Variants in LINGO2 observed in about 807,000 individuals in gnomAD.
LINGO2 encodes the protein leucine rich repeat and Ig domain containing 2.
A neutral mutation model predicts 30.6 loss-of-function variants in LINGO2; 14 were observed. The observed-to-expected ratio is 0.46, with a 90% CI of 0.30 to 0.72. The LOEUF (loss-of-function observed/expected upper bound fraction) is 0.72. Ranked by LOEUF, LINGO2 falls within the 30% of genes least tolerant of loss-of-function variation. The probability of loss-of-function intolerance (pLI) is 0.07; values close to 1 mark genes in which losing one functional copy is unlikely to be tolerated. For synonymous variants in LINGO2, 317 were observed against 288.5 expected (o/e 1.10, Z -1.00); for missense variants, 729 against 751.7 (o/e 0.97, Z 0.35).
chr9:28,029,254 T>C (rs1045924292), intron 4 of LINGO2, among the ~76,000 whole-genome samples: 3 of 152,190 alleles, frequency 2.0e-5, no homozygotes, highest in Non-Finnish European at 4.4e-5. Context: ...GAGGCTAGTA[T>C]AAAATGCGAG....
intron 1 of LINGO2, among the ~76,000 whole-genome samples, chr9:28,527,345 G>A (rs565461264): frequency 1.3e-5 from 2 of 152,258 alleles, no homozygotes; most frequent in South Asian, 4.1e-4. Flanking sequence ...CTGTAAAAAC[G>A]TATTCATTAT....
intron 4 of LINGO2, among the ~76,000 whole-genome samples, chr9:28,083,106 G>A (rs1384580604): frequency 1.3e-5 from 2 of 152,154 alleles, no homozygotes; most frequent in African/African-American, 2.4e-5. Flanking sequence ...ACCTCTAAGA[G>A]TAGAATTATA....
chr9:28,201,688 C>T (rs1229532008), intron 4 of LINGO2, among the ~76,000 whole-genome samples: 1 of 151,926 alleles, frequency 6.6e-6, no homozygotes, highest in Non-Finnish European at 1.5e-5. Flanking sequence ...AGTTTACAGT[C>T]CCACCAACAG....
chr9:28,895,025 A>G, the LINGO2 span, among the ~76,000 whole-genome samples: 1 of 152,112 alleles, frequency 6.6e-6, no homozygotes, highest in Non-Finnish European at 1.5e-5. Flanking sequence ...CTATATGTGC[A>G]TGACTGTCTT....
At chr9:28,599,471 T>C (rs1023317240) in intron 1 of LINGO2, among the ~76,000 whole-genome samples, 5 of 152,174 alleles carry the variant, frequency 3.3e-5, no homozygotes, top group Non-Finnish European at 7.4e-5. Flanking sequence ...GCTTGTTAAA[T>C]AGATGTTTGA....
chr9:28,712,953 C>T, the LINGO2 span, among the ~76,000 whole-genome samples: 1 of 152,030 alleles, frequency 6.6e-6, no homozygotes, highest in East Asian at 1.9e-4. Context: ...GCAAACTCCG[C>T]CTCCCAGATT....
intron 2 of LINGO2, among the ~76,000 whole-genome samples, chr9:28,405,937 T>C (rs1184975797): frequency 2.0e-5 from 3 of 152,192 alleles, no homozygotes; most frequent in African/African-American, 7.2e-5. Context: ...ATTTATTAAA[T>C]GGCTGGCTAT....
At chr9:28,666,076 G>T (rs547694837) in intron 1 of LINGO2, among the ~76,000 whole-genome samples, 1 of 152,020 alleles carries the variant, frequency 6.6e-6, no homozygotes, top group South Asian at 2.1e-4. Flanking sequence ...ATTTTTAGTA[G>T]AGACGGGGTT....
At chr9:29,191,271 A>G in the LINGO2 span, among the ~76,000 whole-genome samples, 1 of 152,304 alleles carries the variant, frequency 6.6e-6, no homozygotes, top group Non-Finnish European at 1.5e-5. Context: ...CATTATTGCT[A>G]TGACTTTGGT....
chr9:28,290,853 A>G (rs1823701462), intron 4 of LINGO2, among the ~76,000 whole-genome samples: 1 of 152,150 alleles, frequency 6.6e-6, no homozygotes, highest in South Asian at 2.1e-4. Context: ...GTCAATTTCT[A>G]TGTGTATCTT....
At chr9:28,545,276 A>G (rs1233623650) in intron 1 of LINGO2, among the ~76,000 whole-genome samples, 1 of 152,084 alleles carries the variant, frequency 6.6e-6, no homozygotes, top group Non-Finnish European at 1.5e-5. Context: ...TGATAAACCC[A>G]AAGACTTTAG....
At chr9:28,992,353 C>G in the LINGO2 span, among the ~76,000 whole-genome samples, 2 of 152,112 alleles carry the variant, frequency 1.3e-5, no homozygotes, top group Admixed American at 6.5e-5. Context: ...CGGGAGCACC[C>G]AAATTCATAA....
At chr9:29,132,219 G>T in the LINGO2 span, among the ~76,000 whole-genome samples, 32 of 152,066 alleles carry the variant, frequency 2.1e-4, no homozygotes, top group Non-Finnish European at 3.4e-4. Flanking sequence ...TCGAGGGGGG[G>T]AAATGAGGCA....
At chr9:28,327,953 G>A (rs1321925677) in intron 3 of LINGO2, among the ~76,000 whole-genome samples, 1 of 152,150 alleles carries the variant, frequency 6.6e-6, no homozygotes, top group East Asian at 1.9e-4. Context: ...GAGTGGAAGA[G>A]TTATGTGAAA....
the LINGO2 span, among the ~76,000 whole-genome samples, chr9:29,194,065 C>T: frequency 6.6e-6 from 1 of 152,184 alleles, no homozygotes; most frequent in African/African-American, 2.4e-5. Flanking sequence ...CACTCTTCCC[C>T]TCTCTGAGCT....
chr9:28,800,938 G>A, the LINGO2 span, among the ~76,000 whole-genome samples: 5 of 152,104 alleles, frequency 3.3e-5, no homozygotes, highest in Admixed American at 3.3e-4. Context: ...ACACGTAAAA[G>A]CAGATGGACA....
At chr9:28,458,962 A>G (rs1824963735) in intron 2 of LINGO2, among the ~76,000 whole-genome samples, 1 of 115,882 alleles carries the variant, frequency 8.6e-6, no homozygotes, top group South Asian at 3.5e-4. Context: ...AAAGGTATAT[A>G]GAGCCCAAAT....
At chr9:28,520,373 A>G (rs748825130) in intron 1 of LINGO2, among the ~76,000 whole-genome samples, 1 of 152,110 alleles carries the variant, frequency 6.6e-6, no homozygotes, top group Non-Finnish European at 1.5e-5. Flanking sequence ...CTTTTACCAG[A>G]TCTTTGCATA....
chr9:27,982,259 T>C (rs1467183021), intron 5 of LINGO2, among the ~76,000 whole-genome samples: 1 of 151,814 alleles, frequency 6.6e-6, no homozygotes, highest in Non-Finnish European at 1.5e-5. Context: ...ATGCTCTCAA[T>C]TGCCTCATAA....
Sources: allele counts gnomAD v4.1 joint callset (sites outside exome capture counted in the v4.1 genomes callset), GRCh38; gene constraint gnomAD v4.1.1; transcripts MANE v1.5; gene names NCBI Gene and HGNC (gene_info 2026-07-23, HGNC 2026-07-21).